Variants in ZSWIM5 observed in about 807,000 individuals in gnomAD.
The protein encoded by ZSWIM5 is zinc finger SWIM-type containing 5.
In ZSWIM5, 55 loss-of-function variants were observed where a neutral mutation model predicts 119.6. The ratio of observed to expected loss-of-function variants is 0.46; its 90% CI spans 0.37 to 0.58. ZSWIM5 has a LOEUF of 0.58. ZSWIM5 is among the 20% of genes least tolerant of loss of function. ZSWIM5 has a pLI of 0.00. For missense variants in ZSWIM5, 1,193 were observed against 1,512.8 expected, an observed-to-expected ratio of 0.79 and a Z score of 3.51; for synonymous variants, 537 against 606.9, an observed-to-expected ratio of 0.88 and a Z score of 1.69.
chr1:45,107,510 T>C (rs1645488748), intron 1 of ZSWIM5, among the ~76,000 whole-genome samples: 1 of 151,532 alleles, frequency 6.6e-6, no homozygotes, highest in Non-Finnish European at 1.5e-5. Flanking sequence ...GGCCTGGTGG[T>C]GGGCACCTGT....
At chr1:45,177,084 T>A (rs759442260) in intron 1 of ZSWIM5, among the ~76,000 whole-genome samples, 1 of 151,984 alleles carries the variant, frequency 6.6e-6, no homozygotes, top group Non-Finnish European at 1.5e-5. Context: ...ATTCAGGAAC[T>A]AGAGAGAGGA....
At chr1:45,178,339 G>T (rs751014197) in intron 1 of ZSWIM5, among the ~76,000 whole-genome samples, 4 of 152,210 alleles carry the variant, frequency 2.6e-5, no homozygotes, top group African/African-American at 9.6e-5. Flanking sequence ...CTGGAGAGTC[G>T]CTTGAACCTG....
At chr1:45,138,505 C>CAAAAA (rs759005534) in intron 1 of ZSWIM5, among the ~76,000 whole-genome samples, 6 of 54,854 alleles carry the variant, frequency 1.1e-4, no homozygotes, top group Admixed American at 3.8e-4. Context: ...AACTCCATCT[C>CAAAAA]AAAAAAAAAA....
Position 45,019,365 on chromosome 1 carries a change from A to G in ZSWIM5, c.2696-49T>C. Reference sequence around the variant, plus strand: ...GCCGTGGCCATCTGGGTCCTGATTCAGGTCTACCCAGATTACCATTTGGGG... The same window carrying G: ...GCCGTGGCCATCTGGGTCCTGATTCGGGTCTACCCAGATTACCATTTGGGG... On this transcript the variant is annotated intron_variant, in intron 13 of 13. Transcript: ENST00000359600. The surrounding 1 kb of genome is among the most constrained non-coding windows in gnomAD (Gnocchi z 5.0). 2 of 1,563,850 alleles carry G rather than the reference A, an allele frequency of 1.3e-6. No individual in the cohort carries two copies. Among genetic ancestry groups the G allele is most frequent in the Non-Finnish European group, 1.7e-6 (2 of 1,159,554 alleles).
chr1:45,066,571 G>A (rs150952212), intron 2 of ZSWIM5, among the ~76,000 whole-genome samples: 152 of 152,230 alleles, frequency 1.0e-3, no homozygotes, highest in African/African-American at 3.1e-3. Flanking sequence ...GTCATAAATT[G>A]GTAATTAAAT....
At chr1:45,086,565 T>C (rs1053685070) in intron 2 of ZSWIM5, among the ~76,000 whole-genome samples, 5 of 152,062 alleles carry the variant, frequency 3.3e-5, no homozygotes, top group Non-Finnish European at 5.9e-5. Flanking sequence ...TTCTCACTCA[T>C]AGGTGGGAAT....
At chr1:45,047,873 G>C (rs1333809562) in intron 5 of ZSWIM5, among the ~76,000 whole-genome samples, 1 of 152,018 alleles carries the variant, frequency 6.6e-6, no homozygotes, top group Non-Finnish European at 1.5e-5. Context: ...AGGAAGGAGA[G>C]GAAGTACAGA....
rs144590135 is a variant in ZSWIM5 at position 45,164,075 on chromosome 1, G to C, written c.595+41681C>G. Among the ~76,000 whole-genome samples the C allele has an allele frequency of 4.6e-3, 701 of 152,292 alleles. 8 individuals carry two copies. Among genetic ancestry groups the C allele is most frequent in the African/African-American group, 0.016 (660 of 41,560 alleles). ...ATGTTGAGGGCAGCCAGAGAGAAAGGTTGGGTTACCCATAAAGGGAAGCCC... is the reference window on the plus strand; with the variant it reads ...ATGTTGAGGGCAGCCAGAGAGAAAGCTTGGGTTACCCATAAAGGGAAGCCC... On this transcript the variant is annotated intron_variant, in intron 1 of 13. Coordinates refer to ENST00000359600, the MANE Select transcript of ZSWIM5 (RefSeq NM_020883.2).
chr1:45,179,381 G>A (rs1384510055), intron 1 of ZSWIM5, among the ~76,000 whole-genome samples: 1 of 151,982 alleles, frequency 6.6e-6, no homozygotes, highest in Non-Finnish European at 1.5e-5. Context: ...CTTACAAGAA[G>A]GTGCTAAACA....
chr1:45,177,608 A>G (rs1235669261), intron 1 of ZSWIM5, among the ~76,000 whole-genome samples: 1 of 152,114 alleles, frequency 6.6e-6, no homozygotes, highest in Non-Finnish European at 1.5e-5. Flanking sequence ...GCTTTATAAG[A>G]CAATTCGGGG....
chr1:45,060,778 G>A (rs903682543), intron 2 of ZSWIM5, among the ~76,000 whole-genome samples: 3 of 152,084 alleles, frequency 2.0e-5, no homozygotes, highest in Admixed American at 6.6e-5. Context: ...AGGCTCCATC[G>A]ATCCTTCCAC....
intron 1 of ZSWIM5, among the ~76,000 whole-genome samples, chr1:45,121,599 C>CTTTT (rs1181121841): frequency 2.7e-5 from 4 of 145,484 alleles, no homozygotes; most frequent in African/African-American, 1.0e-4. Flanking sequence ...TTTTTTTCTT[C>CTTTT]TTCTTTTTTT....
intron 1 of ZSWIM5, among the ~76,000 whole-genome samples, chr1:45,182,407 A>AAAAAAAAAAAC (rs1416721208): frequency 7.9e-6 from 1 of 126,480 alleles, no homozygotes; most frequent in African/African-American, 2.8e-5. Flanking sequence ...CCGTCTCAAA[A>AAAAAAAAAAAC]AAACAAACAA....
intron 1 of ZSWIM5, among the ~76,000 whole-genome samples, chr1:45,199,907 C>T (rs1214101006): frequency 6.6e-6 from 1 of 152,128 alleles, no homozygotes; most frequent in Non-Finnish European, 1.5e-5. Flanking sequence ...GAGCCTTACA[C>T]GTAATAAGTG....
chr1:45,094,072 T>C (rs1645384169), intron 1 of ZSWIM5, among the ~76,000 whole-genome samples: 1 of 128,578 alleles, frequency 7.8e-6, no homozygotes, highest in African/African-American at 2.9e-5. Flanking sequence ...TTTATTTATT[T>C]TTGAGACGGA....
intron 4 of ZSWIM5, among the ~76,000 whole-genome samples, chr1:45,056,111 G>A (rs1260329854): frequency 1.3e-5 from 2 of 152,298 alleles, no homozygotes; most frequent in Non-Finnish European, 2.9e-5. Flanking sequence ...TCAGGAGACT[G>A]GCAGCAATGG....
intron 1 of ZSWIM5, among the ~76,000 whole-genome samples, chr1:45,123,758 G>A (rs1017227935): frequency 1.3e-5 from 2 of 152,068 alleles, no homozygotes; most frequent in Non-Finnish European, 2.9e-5. Flanking sequence ...TCAAGAAGCT[G>A]AATAAACCCC....
At chr1:45,065,433 G>A (rs571763189) in intron 2 of ZSWIM5, among the ~76,000 whole-genome samples, 1 of 152,190 alleles carries the variant, frequency 6.6e-6, no homozygotes, top group Non-Finnish European at 1.5e-5. Context: ...GTTTGAAGGG[G>A]TATGGAAAAA....
chr1:45,023,010 T>C (rs975216209), intron 11 of ZSWIM5, among the ~76,000 whole-genome samples: 8 of 152,262 alleles, frequency 5.3e-5, no homozygotes, highest in African/African-American at 1.9e-4. Flanking sequence ...AATCCACAGA[T>C]GCAGAACCCA....
Sources: allele counts gnomAD v4.1 joint callset (sites outside exome capture counted in the v4.1 genomes callset), GRCh38; gene constraint gnomAD v4.1.1; non-coding constraint Gnocchi (gnomAD v3.1); transcripts MANE v1.5; gene names NCBI Gene and HGNC (gene_info 2026-07-23, HGNC 2026-07-21).